The following PPP2R1B variants were observed in gnomAD, a reference collection of about 807,000 sequenced individuals.
PPP2R1B encodes serine/threonine-protein phosphatase 2A 65 kDa regulatory subunit A beta isoform.
A neutral mutation model predicts 72.7 loss-of-function variants in PPP2R1B; 58 were observed. The ratio of observed to expected loss-of-function variants is 0.80; its 90% CI spans 0.65 to 0.99. PPP2R1B has a LOEUF of 0.99. Among genes scored for constraint, PPP2R1B ranks in the 50% least tolerant of loss-of-function variants. The probability of loss-of-function intolerance (pLI) is 0.00; values close to 1 mark genes in which losing one functional copy is unlikely to be tolerated. For missense variants in PPP2R1B, 695 were observed against 733.6 expected (o/e 0.95, Z 0.61); for synonymous variants, 256 against 264.6 (o/e 0.97, Z 0.32).
chr11:111,698,375 T>C, the PPP2R1B span, among the ~76,000 whole-genome samples: 2 of 152,134 alleles, frequency 1.3e-5, no homozygotes, highest in Non-Finnish European at 2.9e-5. Context: ...TCCCATTCAC[T>C]CCTTTGAGTT....
chr11:111,757,472 C>T (rs1193828175), intron 5 of PPP2R1B, among the ~76,000 whole-genome samples: 1 of 152,076 alleles, frequency 6.6e-6, no homozygotes, highest in African/African-American at 2.4e-5. Flanking sequence ...TTTTGAATTT[C>T]GAAAATGATG....
At chr11:111,754,430 A>G in intron 8 of PPP2R1B, 69 bp downstream of exon 8, 1 of 1,545,470 alleles carries the variant, frequency 6.5e-7, no homozygotes, top group Non-Finnish European at 8.7e-7. Flanking sequence ...TAAACAAACA[A>G]ACAAAAATAA....
intron 8 of PPP2R1B, 57 bp from the exon 9 acceptor site, chr11:111,753,634 C>A: frequency 6.5e-7 from 1 of 1,527,472 alleles, no homozygotes; most frequent in South Asian, 1.2e-5. Context: ...ACTTCCATAC[C>A]ATTATTCTGG....
In PPP2R1B at chr11:111,739,608, G is replaced by A; in HGVS notation, c.*1988C>T. 1.0e-6 allele frequency: 1 copy of A among 985,420 alleles called. No homozygotes were observed. Among genetic ancestry groups the A allele is most frequent in the Non-Finnish European group, 1.2e-6 (1 of 829,922 alleles). 61.0% of individuals were successfully genotyped at this position (985,420 alleles called of 1,614,324 possible). ...CAATGCTTAGGGCTCCTCACTGGGA[G>A]ACACAAGGGCATTTTAAAAGTCTGT... is the stretch of plus-strand genomic sequence containing the variant. On this transcript the variant is annotated 3_prime_UTR_variant, in exon 15 of 15. Transcript: ENST00000527614.
At position 111,742,103 on chromosome 11, in the gene PPP2R1B, C is replaced by T. The variant is rs748724548; in HGVS notation, c.1739G>A (p.Gly580Asp). The change falls in exon 14 of 15, where the codon GGT (glycine) becomes GAT (aspartate). Residue 580 changes from glycine (G) to aspartate (D), a missense_variant. By Grantham distance (94) the Gly-to-Asp change is moderately conservative. Coordinates refer to ENST00000527614, the MANE Select transcript of PPP2R1B (RefSeq NM_002716.5). ...GEVKPVLQKL[G>D]QDEDMDVKYF... ...TTTGACATCCATGTCTTCATCTTGA[C>T]CTAACTTCTGTAGTACTGGCTTCAC... The T allele has an allele frequency of 6.2e-7, 1 of 1,613,950 alleles. No individual in the cohort carries two copies. The highest frequency in any genetic ancestry group is 1.7e-5 in the Admixed American group (1 of 60,030).
chr11:111,764,991 T>C (rs1565486242), intron 2 of PPP2R1B, 86 bp from the exon 3 acceptor site: 4 of 1,546,810 alleles, frequency 2.6e-6, no homozygotes, highest in Admixed American at 2.0e-5. Flanking sequence ...AGATTCACTA[T>C]GCGACCAGGA....
chr11:111,726,920 T>C (rs747536782), exon 16 of PPP2R1B: 3 of 1,588,720 alleles, frequency 1.9e-6, no homozygotes, highest in African/African-American at 1.3e-5. Context: ...AAGTGCAATA[T>C]GTGTGGTACT....
the PPP2R1B span, among the ~76,000 whole-genome samples, chr11:111,696,935 C>T: frequency 2.7e-3 from 404 of 152,320 alleles, 4 homozygotes; most frequent in Non-Finnish European, 4.3e-3. Flanking sequence ...AGGCAGAAAG[C>T]TGCAGACTGG....
the PPP2R1B span, chr11:111,720,002 A>C: frequency 6.2e-7 from 1 of 1,612,720 alleles, no homozygotes; most frequent in Non-Finnish European, 8.5e-7. Flanking sequence ...TGCCTGGGGC[A>C]GGTACGGTAG....
Position 111,759,874 on chromosome 11 carries a change from T to C in PPP2R1B, c.617A>G (p.Lys206Arg). 1 of 1,614,118 alleles carries C rather than the reference T, an allele frequency of 6.2e-7. No individual in the cohort carries two copies. The highest frequency in any genetic ancestry group is 1.7e-5 in the Admixed American group (1 of 60,020). ...TTTCACACTGTCTAATTCCAAAACT[T>C]TTGCAAATTCACCCAATTTGGAAGC... ...AAASKLGEFA[K>R]VLELDSVKSE... Residue 206 changes from lysine to arginine, a missense_variant, in exon 5 of 15, where the codon AAA becomes AGA. Physicochemically the swap from Lys to Arg is conservative, Grantham distance 26 (BLOSUM62 2). Coordinates refer to ENST00000527614, the MANE Select transcript of PPP2R1B (RefSeq NM_002716.5).
chr11:111,708,557 A>C, the PPP2R1B span, among the ~76,000 whole-genome samples: 1 of 151,986 alleles, frequency 6.6e-6, no homozygotes, highest in Non-Finnish European at 1.5e-5. Context: ...TTTCTCATAC[A>C]TTCTAACCAC....
At chr11:111,737,805 C>A, downstream of PPP2R1B, 1 of 1,305,484 alleles carries the variant, frequency 7.7e-7, no homozygotes, top group Non-Finnish European at 9.9e-7. Flanking sequence ...CTTTTGGTGT[C>A]CACCTGGCTG....
chr11:111,718,048 CT>C, the PPP2R1B span, among the ~76,000 whole-genome samples: 1 of 152,048 alleles, frequency 6.6e-6, no homozygotes, highest in African/African-American at 2.4e-5. Context: ...CCTGCACATC[CT>C]GCACACGTAC....
chr11:111,721,721 T>C, the PPP2R1B span: 1 of 710,906 alleles, frequency 1.4e-6, no homozygotes, highest in South Asian at 2.1e-5. Context: ...TTAATAAGTC[T>C]CAGTGGAGTT....
chr11:111,703,493 T>C, the PPP2R1B span: 5 of 1,412,176 alleles, frequency 3.5e-6, no homozygotes, highest in Admixed American at 1.7e-5. Context: ...ACACCTGTCA[T>C]CCTGGTCTTT....
At chr11:111,743,563 C>A in intron 11 of PPP2R1B, 33 bp from the exon 12 acceptor site, 4 of 1,574,968 alleles carry the variant, frequency 2.5e-6, no homozygotes, top group Non-Finnish European at 3.4e-6. Context: ...GTTCTCATAT[C>A]GCTTATTGTT....
chr11:111,765,471 A>T, intron 1 of PPP2R1B, 87 bp from the exon 2 acceptor site: 2 of 1,045,452 alleles, frequency 1.9e-6, no homozygotes, highest in Admixed American at 2.1e-5. Context: ...AGGTGAAATT[A>T]TGACACAGGG....
chr11:111,756,796 G>A (rs1198832783), intron 5 of PPP2R1B, among the ~76,000 whole-genome samples: 1 of 152,150 alleles, frequency 6.6e-6, no homozygotes, highest in Non-Finnish European at 1.5e-5. Flanking sequence ...TACGTCCTTT[G>A]AACAAGTGGA....
chr11:111,702,174 G>GTT, the PPP2R1B span, among the ~76,000 whole-genome samples: 1 of 152,168 alleles, frequency 6.6e-6, no homozygotes, highest in African/African-American at 2.4e-5. Context: ...GAGTCCACTG[G>GTT]TTACTGGCCA....
Sources: gnomAD v4.1 joint callset for allele counts (sites outside exome capture counted in the v4.1 genomes callset) on GRCh38, gnomAD v4.1.1 for gene constraint, MANE v1.5 for transcripts, NCBI Gene and HGNC (gene_info 2026-07-23, HGNC 2026-07-21) for gene names.